NBEAL1: variants seen among roughly 807,000 people sequenced by gnomAD.
The protein encoded by NBEAL1 is neurobeachin like 1, also known as neurobeachin-like protein 1.
Under a neutral mutation model 351.3 loss-of-function variants are expected in NBEAL1, and 273 were observed. That is an observed-to-expected ratio of 0.78 (90% CI 0.70 to 0.86). The LOEUF (loss-of-function observed/expected upper bound fraction) is 0.86. NBEAL1 is among the 40% of genes least tolerant of loss of function. The pLI is 0.00. For synonymous variants in NBEAL1, 1,050 were observed against 1,086.4 expected, an observed-to-expected ratio of 0.97 and a Z score of 0.66; for missense variants, 2,961 against 3,201.3, an observed-to-expected ratio of 0.92 and a Z score of 1.81.
chr2:203,121,360 A>G (rs1039024983), intron 18 of NBEAL1, among the ~76,000 whole-genome samples: 4 of 152,164 alleles, frequency 2.6e-5, no homozygotes, highest in Admixed American at 6.5e-5. Flanking sequence ...TTTAAAAACT[A>G]TGACTGGCGA....
chr2:203,150,880 T>A (rs2063633336), intron 34 of NBEAL1, among the ~76,000 whole-genome samples: 1 of 152,226 alleles, frequency 6.6e-6, no homozygotes. Flanking sequence ...CATGTTCAAA[T>A]CTTATTTCTG....
intron 2 of NBEAL1, chr2:203,040,967 G>T: frequency 7.1e-6 from 2 of 279,752 alleles, no homozygotes; most frequent in African/African-American, 2.2e-5. Context: ...ATTATCATCA[G>T]GTATCTTCAG....
chr2:203,209,832 T>A (rs1275076810), intron 53 of NBEAL1, among the ~76,000 whole-genome samples: 1 of 151,794 alleles, frequency 6.6e-6, no homozygotes, highest in Non-Finnish European at 1.5e-5. Flanking sequence ...CACTTTGGCC[T>A]CAAACTCCTG....
intron 10 of NBEAL1, among the ~76,000 whole-genome samples, chr2:203,090,807 T>C (rs978106296): frequency 6.6e-6 from 1 of 152,104 alleles, no homozygotes; most frequent in Non-Finnish European, 1.5e-5. Context: ...GAGAATTGCT[T>C]GAACCCCGGA....
At chr2:203,194,899 A>G (rs566807831) in intron 47 of NBEAL1, among the ~76,000 whole-genome samples, 3 of 152,192 alleles carry the variant, frequency 2.0e-5, no homozygotes, top group African/African-American at 4.8e-5. Context: ...TATGAGTTTT[A>G]TAACAGTTAA....
Position 203,160,733 on chromosome 2 carries a change from G to A in NBEAL1, c.5714+2908G>A, listed in dbSNP as rs553906566. Among the ~76,000 whole-genome samples the A allele has an allele frequency of 5.3e-5, 8 of 152,194 alleles. No individual in the cohort carries two copies. In the South Asian group the frequency reaches 6.2e-4, roughly 12 times the overall value. ...ATTTTGTTTGTTTGTTTACTTTCCC[G>A]AACTAATTCTGTAGAGCCTGTTTTA... On this transcript the variant is annotated intron_variant, in intron 36 of 55. Transcript: ENST00000683969.
chr2:203,057,366 C>A lies in NBEAL1; in HGVS notation c.428C>A (p.Thr143Lys). 1.3e-6 allele frequency: 2 copies of A among 1,551,158 alleles called. No homozygotes were observed. The highest frequency in any genetic ancestry group is 1.7e-6 in the Non-Finnish European group (2 of 1,145,932). The change falls in exon 6 of 56, where the codon ACA becomes AAA. Residue 143 changes from threonine to lysine, a missense_variant. Physicochemically the swap from Thr to Lys is moderately conservative, Grantham distance 78 (BLOSUM62 -1). Transcript: ENST00000683969. ...KKKEKEMADQTCIEEFVIHAL... is the reference protein window; with the variant it reads ...KKKEKEMADQKCIEEFVIHAL... ...AAAGAGAAGGAAATGGCAGATCAGA[C>A]ATGTATTGAAGAATTTGTGATCCAC...
intron 1 of NBEAL1, among the ~76,000 whole-genome samples, chr2:203,015,234 G>A (rs1342406368): frequency 6.6e-6 from 1 of 152,184 alleles, no homozygotes; most frequent in African/African-American, 2.4e-5. Context: ...TGTTTGGGTT[G>A]TCTTGGGATG....
intron 37 of NBEAL1, among the ~76,000 whole-genome samples, chr2:203,166,570 G>T (rs1303338169): frequency 6.6e-6 from 1 of 152,046 alleles, no homozygotes; most frequent in Non-Finnish European, 1.5e-5. Context: ...TTTTGAGATG[G>T]AGTTCCACTC....
At position 203,209,337 on chromosome 2, in the gene NBEAL1, A is replaced by T. The variant is rs7602883; in HGVS notation, c.7785+15A>T. 5.0e-6 allele frequency: 8 copies of T among 1,602,092 alleles called. No individual in the cohort carries two copies. In the Admixed American group the frequency reaches 1.3e-4, roughly 27 times the overall value. On this transcript the variant is annotated intron_variant, in intron 53 of 55. Transcript: ENST00000683969. ...CCACCCTCAAGGTATATGACCTTTCATGCAATAGAGGTAGACTCCCAATAG... is the reference window on the plus strand; with the variant it reads ...CCACCCTCAAGGTATATGACCTTTCTTGCAATAGAGGTAGACTCCCAATAG...
At chr2:203,168,610 T>A (rs1412264338) in intron 38 of NBEAL1, among the ~76,000 whole-genome samples, 2 of 151,212 alleles carry the variant, frequency 1.3e-5, no homozygotes, top group East Asian at 3.9e-4. Context: ...ATAAGGCAGA[T>A]TCTGGCTGGG....
At chr2:203,208,430 T>C (rs1319357643) in intron 51 of NBEAL1, among the ~76,000 whole-genome samples, 1 of 152,060 alleles carries the variant, frequency 6.6e-6, no homozygotes, top group East Asian at 1.9e-4. Flanking sequence ...TATGTTAAGG[T>C]TTTGAGCTTA....
At chr2:203,190,159 TACACACACACACACAC>T (rs71034227) in intron 45 of NBEAL1, 117 bp from the exon 46 acceptor site, 107,139 of 446,718 alleles carry the variant, frequency 0.24, 13,191 homozygotes, top group East Asian at 0.44. Context: ...AAGATGTGTG[TACACACACACACACAC>T]ACACACACAC....
intron 47 of NBEAL1, among the ~76,000 whole-genome samples, chr2:203,195,150 C>T (rs1437511661): frequency 2.0e-5 from 3 of 150,946 alleles, no homozygotes; most frequent in African/African-American, 4.9e-5. Context: ...GCCGAGATCA[C>T]GCCACTGCAC....
chr2:203,083,344 G>A lies in NBEAL1; in HGVS notation c.810G>A (p.Lys270=), dbSNP rs755196498. 1.3e-6 allele frequency: 2 copies of A among 1,554,374 alleles called. No individual in the cohort carries two copies. Among genetic ancestry groups the A allele is most frequent in the South Asian group, 1.2e-5 (1 of 84,280 alleles). Residue 270 remains lysine (K), a synonymous_variant, in exon 9 of 56, where the codon AAG becomes AAA. Coordinates refer to ENST00000683969, the MANE Select transcript of NBEAL1 (RefSeq NM_001378026.1). The stretch of plus-strand genomic sequence containing the variant: ...GTAGGAAGGCAGAACTAACTCTGAA[G>A]TGCCTTACAGAAGTGGTACATATCC... ...EVGRKAELTL[K]CLTEVVHILL...
chr2:203,168,299 A>G (rs902245657), intron 38 of NBEAL1, among the ~76,000 whole-genome samples: 1 of 152,236 alleles, frequency 6.6e-6, no homozygotes, highest in African/African-American at 2.4e-5. Context: ...AAATGTGGCA[A>G]ATTTGGCCAG....
rs1417087731 is a variant in NBEAL1, at chr2:203,107,345, ATTTAATATT to A, written c.1270-65_1270-57del. On this transcript the variant is annotated intron_variant, in intron 12 of 55. Coordinates refer to ENST00000683969, the MANE Select transcript of NBEAL1 (RefSeq NM_001378026.1). ...AAGTTAATTAGCATAAATGAGTATT[ATTTAATATT>A]TTTAATATTCCAACATATTCAGTCT... The A allele has an allele frequency of 1.4e-5, 10 of 704,948 alleles. No individual in the cohort carries two copies. The East Asian group carries it at 2.5e-4, about 17-fold the overall frequency. 43.7% of individuals were successfully genotyped at this position (704,948 alleles called of 1,614,324 possible).
chr2:203,081,225 C>T (rs1193431747), intron 8 of NBEAL1, among the ~76,000 whole-genome samples: 2 of 152,282 alleles, frequency 1.3e-5, no homozygotes, highest in East Asian at 1.9e-4. Context: ...AGTCTAATTA[C>T]TGGTTTCCTT....
At position 203,016,368 on chromosome 2, in the gene NBEAL1, C is replaced by A; in HGVS notation, c.-17C>A. 2 of 1,467,394 alleles carry A rather than the reference C, an allele frequency of 1.4e-6. No homozygotes were observed. Among genetic ancestry groups the A allele is most frequent in the South Asian group, 1.4e-5 (1 of 71,798 alleles). 90.9% of individuals were successfully genotyped at this position (1,467,394 alleles called of 1,614,324 possible). A position where few individuals can be genotyped will look rare whatever the true frequency, so the allele number is the denominator to read the frequency against. The stretch of plus-strand genomic sequence containing the variant: ...ATTTTTTTAAGGAAAACTTAAAGTG[C>A]CAGAGTGAAAGCCAGAATGGCATCC... On this transcript the variant is annotated 5_prime_UTR_variant, in exon 2 of 56. Coordinates refer to ENST00000683969, the MANE Select transcript of NBEAL1 (RefSeq NM_001378026.1).
Sources: allele counts gnomAD v4.1 joint callset (sites outside exome capture counted in the v4.1 genomes callset), GRCh38; gene constraint gnomAD v4.1.1; transcripts MANE v1.5; gene names NCBI Gene and HGNC (gene_info 2026-07-23, HGNC 2026-07-21).